The following CNN3 variants were observed in gnomAD, a reference collection of about 807,000 sequenced individuals.
The protein encoded by CNN3 is calponin-3.
CNN3 carries 11 observed loss-of-function variants against 39.0 expected under a neutral mutation model. The ratio of observed to expected loss-of-function variants is 0.28; its 90% CI spans 0.18 to 0.47. CNN3 has a LOEUF of 0.47. Among genes scored for constraint, CNN3 ranks in the 20% least tolerant of loss-of-function variants. CNN3 has a pLI of 0.99. For synonymous variants in CNN3, 101 were observed against 138.3 expected, an observed-to-expected ratio of 0.73 and a Z score of 1.89; for missense variants, 266 against 403.4, an observed-to-expected ratio of 0.66 and a Z score of 2.92.
chr1:94,913,320 A>T (rs1479953432), intron 1 of CNN3, among the ~76,000 whole-genome samples: 2 of 152,216 alleles, frequency 1.3e-5, no homozygotes, highest in African/African-American at 4.8e-5. Context: ...AGTTCATGTG[A>T]GCCATAAAAC....
At chr1:94,906,144 C>T (rs570126690) in intron 1 of CNN3, among the ~76,000 whole-genome samples, 3 of 151,958 alleles carry the variant, frequency 2.0e-5, no homozygotes, top group Admixed American at 2.0e-4. Context: ...CACCACGCCA[C>T]GCTAATTTTC....
Position 94,901,396 on chromosome 1 carries a change from CT to C in CNN3, c.501+272del, listed in dbSNP as rs776675219. Among the ~76,000 whole-genome samples the C allele has an allele frequency of 7.2e-3, 769 of 106,550 alleles. 4 individuals are homozygous for C. Among genetic ancestry groups the C allele is most frequent in the East Asian group, 0.037 (142 of 3,860 alleles). The allele number at this position is 106,550 out of a possible 152,430, so 69.9% of individuals were successfully genotyped here. On this transcript the variant is annotated intron_variant, in intron 5 of 6. Coordinates refer to ENST00000370206, the MANE Select transcript of CNN3 (RefSeq NM_001839.5). ...ATAAAAAATTTAAAAGTGTATTTTT[CT>C]TTTTTAAAAAAAAAAAAAAGACAAT... is the stretch of plus-strand genomic sequence containing the variant.
intron 6 of CNN3, 130 bp from the exon 7 acceptor site, chr1:94,898,213 A>G (rs1571513143): frequency 1.1e-6 from 1 of 943,104 alleles, no homozygotes; most frequent in African/African-American, 1.7e-5. Context: ...TCAGGGGTAA[A>G]GCTAGCTTAA....
At chr1:94,919,632 C>T (rs1331047816) in intron 1 of CNN3, among the ~76,000 whole-genome samples, 2 of 152,110 alleles carry the variant, frequency 1.3e-5, no homozygotes, top group East Asian at 3.9e-4. Context: ...GGAGTGGAGG[C>T]GGGAAGAAGC....
chr1:94,903,222 C>T lies in CNN3; in HGVS notation c.180-34G>A, dbSNP rs200254057. 2.5e-6 allele frequency: 4 copies of T among 1,597,692 alleles called. No individual in the cohort carries two copies. In the East Asian group the frequency reaches 8.9e-5, roughly 36 times the overall value. On this transcript the variant is annotated intron_variant, in intron 2 of 6. Coordinates refer to ENST00000370206, the MANE Select transcript of CNN3 (RefSeq NM_001839.5). ...AAAAATATGAGAGACATCTTATTTACTGGCACACAAAAACAAGGATTGAAA... is the reference window on the plus strand; with the variant it reads ...AAAAATATGAGAGACATCTTATTTATTGGCACACAAAAACAAGGATTGAAA...
chr1:94,913,411 CAG>C (rs554541805), intron 1 of CNN3, among the ~76,000 whole-genome samples: 7 of 152,204 alleles, frequency 4.6e-5, no homozygotes, highest in Non-Finnish European at 7.3e-5. Flanking sequence ...TTCTTCTACA[CAG>C]AGTTACCTTG....
rs968840324 is a variant in CNN3 at position 94,925,926 on chromosome 1, G to A, written c.57+912C>T. 19 of 613,136 alleles carry A rather than the reference G, an allele frequency of 3.1e-5. 2 individuals are homozygous for A. In the South Asian group the frequency reaches 1.2e-3, roughly 37 times the overall value. The allele number at this position is 613,136 out of a possible 1,614,324, so 38.0% of individuals were successfully genotyped here. A position where few individuals can be genotyped will look rare whatever the true frequency, so the allele number is the denominator to read the frequency against. On this transcript the variant is annotated intron_variant, in intron 1 of 6. Transcript: ENST00000370206. ...GGCTTGGAATGCAGGGAGGGAGGAAGGAAGGAGAGGATTTGGGGAGGGGGA... is the reference window on the plus strand; with the variant it reads ...GGCTTGGAATGCAGGGAGGGAGGAAAGAAGGAGAGGATTTGGGGAGGGGGA...
intron 5 of CNN3, among the ~76,000 whole-genome samples, chr1:94,899,850 C>T (rs367579480): frequency 1.3e-4 from 20 of 152,210 alleles, no homozygotes; most frequent in Non-Finnish European, 2.4e-4. Context: ...GTACCAGCTT[C>T]GGTTATTTCA....
intron 1 of CNN3, 24 bp from the exon 2 acceptor site, chr1:94,903,548 T>A (rs1009697237): frequency 7.4e-6 from 12 of 1,613,108 alleles, no homozygotes; most frequent in African/African-American, 1.3e-5. Flanking sequence ...TAACTCACTT[T>A]AGAAGAATTT....
rs1670804937 is a variant in CNN3 at position 94,899,459 on chromosome 1, T to C, written c.560A>G (p.His187Arg). The C allele has an allele frequency of 3.1e-6, 5 of 1,614,148 alleles. No homozygotes were observed. The highest frequency in any genetic ancestry group is 4.2e-6 in the Non-Finnish European group (5 of 1,179,986). ...AGTTTGCATTTTGGGATCATAAAGA[T>C]GCCTCCTAGTCCCGTAAGCTGTCAT... ...AGMTAYGTRR[H>R]LYDPKMQTDK... The change falls in exon 6 of 7, where the codon CAT becomes CGT. Residue 187 changes from histidine to arginine, a missense_variant. Physicochemically the swap from His to Arg is conservative, Grantham distance 29. Transcript: ENST00000370206.
At chr1:94,925,621 G>A (rs1377934153) in intron 1 of CNN3, 1 of 985,284 alleles carries the variant, frequency 1.0e-6, no homozygotes, top group African/African-American at 1.7e-5. Context: ...TGACAACGGT[G>A]CGCTTCATTA....
intron 1 of CNN3, among the ~76,000 whole-genome samples, chr1:94,904,843 C>T (rs912941013): frequency 3.9e-5 from 6 of 152,016 alleles, no homozygotes; most frequent in Non-Finnish European, 8.8e-5. Context: ...GCCAAGTATA[C>T]ATAGGAAATG....
intron 1 of CNN3, among the ~76,000 whole-genome samples, chr1:94,920,914 A>T (rs926579912): frequency 2.0e-4 from 30 of 152,244 alleles, no homozygotes; most frequent in African/African-American, 7.2e-4. Flanking sequence ...TCCTTAACAA[A>T]AATCTGAGGG....
At chr1:94,899,632 G>T in intron 5 of CNN3, 115 bp from the exon 6 acceptor site, 1 of 1,038,748 alleles carries the variant, frequency 9.6e-7, no homozygotes, top group East Asian at 2.6e-5. Context: ...ACAAGTTACT[G>T]AGCTGAGGCT....
At position 94,903,331 on chromosome 1, in the gene CNN3, A is replaced by G. The variant is rs190457691; in HGVS notation, c.179+72T>C. The G allele has an allele frequency of 1.7e-4, 267 of 1,545,988 alleles. 1 individual carries two copies. Among genetic ancestry groups the G allele is most frequent in the Admixed American group, 3.8e-4 (19 of 50,622 alleles). On this transcript the variant is annotated intron_variant, in intron 2 of 6. Coordinates refer to ENST00000370206, the MANE Select transcript of CNN3 (RefSeq NM_001839.5). ...TCAAGGTCTGACACCCTGGGCTGAG[A>G]AGGAGAGTGAGAGAGAAGGCTGTGG...
chr1:94,908,327 G>A (rs1476190011), intron 1 of CNN3, among the ~76,000 whole-genome samples: 1 of 152,174 alleles, frequency 6.6e-6, no homozygotes, highest in Non-Finnish European at 1.5e-5. Flanking sequence ...TCCTCTTCAT[G>A]TTCCTGTGCC....
chr1:94,912,494 A>T lies in CNN3; in HGVS notation c.58-8970T>A, dbSNP rs569501258. Among the ~76,000 whole-genome samples the T allele has an allele frequency of 1.1e-3, 171 of 152,186 alleles. 2 individuals carry two copies. The highest frequency in any genetic ancestry group is 4.0e-3 in the African/African-American group (166 of 41,534). On this transcript the variant is annotated intron_variant, in intron 1 of 6. Transcript: ENST00000370206. ...TCCTAGAGTGGACTCTTGGGGAGAGAGTGTGCAAGCAAGCACTCAGGGAGA... is the reference window on the plus strand; with the variant it reads ...TCCTAGAGTGGACTCTTGGGGAGAGTGTGTGCAAGCAAGCACTCAGGGAGA...
Position 94,899,461 on chromosome 1 carries a change from C to T in CNN3, c.558G>A (p.Arg186=). Residue 186 remains arginine (R), a synonymous_variant, in exon 6 of 7, where the codon AGG becomes AGA. Transcript: ENST00000370206. ...TTTGCATTTTGGGATCATAAAGATG[C>T]CTCCTAGTCCCGTAAGCTGTCATAC... ...QAGMTAYGTR[R]HLYDPKMQTD... 6.2e-7 allele frequency: 1 copy of T among 1,614,038 alleles called. No homozygotes were observed. Among genetic ancestry groups the T allele is most frequent in the Non-Finnish European group, 8.5e-7 (1 of 1,179,968 alleles).
chr1:94,915,496 A>G lies in CNN3; in HGVS notation c.57+11342T>C, dbSNP rs149911910. ...CATCGACAGTAAAGGTGAACTCCATATTTTACATAATTGTAATGCAATCTG... is the reference window on the plus strand; with the variant it reads ...CATCGACAGTAAAGGTGAACTCCATGTTTTACATAATTGTAATGCAATCTG... On this transcript the variant is annotated intron_variant, in intron 1 of 6. Coordinates refer to ENST00000370206, the MANE Select transcript of CNN3 (RefSeq NM_001839.5). Among the ~76,000 whole-genome samples, 489 of 152,324 alleles carry G rather than the reference A, an allele frequency of 3.2e-3. 4 individuals carry two copies. The highest frequency in any genetic ancestry group is 0.011 in the African/African-American group (458 of 41,574).
Sources: gnomAD v4.1 joint callset for allele counts (sites outside exome capture counted in the v4.1 genomes callset) on GRCh38, gnomAD v4.1.1 for gene constraint, MANE v1.5 for transcripts, NCBI Gene and HGNC (gene_info 2026-07-23, HGNC 2026-07-21) for gene names.